Variants in PCBP3 observed in about 807,000 individuals in gnomAD.
The protein encoded by PCBP3 is poly(rC)-binding protein 3.
In PCBP3, 25 loss-of-function variants were observed where a neutral mutation model predicts 52.7. The ratio of observed to expected loss-of-function variants is 0.47; its 90% confidence interval spans 0.35 to 0.66. The LOEUF is 0.66. Ranked by LOEUF, PCBP3 falls within the 30% of genes least tolerant of loss-of-function variation. PCBP3 has a pLI of 0.01. For missense variants in PCBP3, 391 were observed against 490.3 expected (o/e 0.80, Z 1.91); for synonymous variants, 162 against 183.0 (o/e 0.89, Z 0.93).
chr21:45,913,043 G>A (rs1404069029), intron 11 of PCBP3, among the ~76,000 whole-genome samples: 1 of 152,172 alleles, frequency 6.6e-6, no homozygotes, highest in Non-Finnish European at 1.5e-5. Context: ...ACGGCTCATG[G>A]GCTCCAGCCC....
chr21:45,931,682 A>C (rs1159589020), intron 15 of PCBP3, among the ~76,000 whole-genome samples: 1 of 152,092 alleles, frequency 6.6e-6, no homozygotes, highest in East Asian at 1.9e-4. Flanking sequence ...TCCTGAGATG[A>C]ACAAACACGT....
intron 2 of PCBP3, among the ~76,000 whole-genome samples, chr21:45,727,709 G>A (rs1180172494): frequency 6.6e-6 from 1 of 152,204 alleles, no homozygotes; most frequent in Non-Finnish European, 1.5e-5. Flanking sequence ...CCATGTGAGA[G>A]GAGGTGGTTG....
At chr21:45,774,812 T>C (rs1442750914) in intron 4 of PCBP3, among the ~76,000 whole-genome samples, 1 of 152,246 alleles carries the variant, frequency 6.6e-6, no homozygotes, top group African/African-American at 2.4e-5. Flanking sequence ...TGATATATCA[T>C]GTTTATTGAT....
Position 45,662,271 on chromosome 21 carries a change from GTTTTTTTTTTTTTTTTT to G in PCBP3, c.-278-6589_-278-6573del, listed in dbSNP as rs59220095. Among the ~76,000 whole-genome samples the G allele has an allele frequency of 8.9e-4, 87 of 97,278 alleles. 2 individuals carry two copies. The highest frequency in any genetic ancestry group is 3.3e-3 in the African/African-American group (71 of 21,326). 63.8% of individuals were successfully genotyped at this position (97,278 alleles called of 152,430 possible). A position where few individuals can be genotyped will look rare whatever the true frequency, so the allele number is the denominator to read the frequency against. On this transcript the variant is annotated intron_variant, in intron 1 of 17. Coordinates refer to ENST00000681687, the MANE Select transcript of PCBP3 (RefSeq NM_001384156.1). Reference sequence around the variant, plus strand: ...TACAGGTATGTGCCAATATACCTAAGTTTTTTTTTTTTTTTTTTTTTTTTTTTTTTGTAGAGATGGGG... The same window carrying G: ...TACAGGTATGTGCCAATATACCTAAGTTTTTTTTTTTTTGTAGAGATGGGG...
At chr21:45,857,692 C>T (rs2094354236) in intron 5 of PCBP3, among the ~76,000 whole-genome samples, 1 of 152,176 alleles carries the variant, frequency 6.6e-6, no homozygotes, top group Non-Finnish European at 1.5e-5. Flanking sequence ...CTTAGGTTCT[C>T]CTGAGGCTGT....
intron 4 of PCBP3, among the ~76,000 whole-genome samples, chr21:45,783,257 G>A (rs1407111241): frequency 6.6e-6 from 1 of 152,160 alleles, no homozygotes; most frequent in Non-Finnish European, 1.5e-5. Flanking sequence ...GCCATTTGGA[G>A]CTCCTCTTTC....
At chr21:45,695,314 G>A (rs2082704244) in intron 2 of PCBP3, among the ~76,000 whole-genome samples, 2 of 152,134 alleles carry the variant, frequency 1.3e-5, no homozygotes, top group Non-Finnish European at 2.9e-5. Context: ...TAGAGGAAGG[G>A]GCTTCTCTTC....
At chr21:45,758,392 T>C (rs2088282650) in intron 4 of PCBP3, among the ~76,000 whole-genome samples, 1 of 152,180 alleles carries the variant, frequency 6.6e-6, no homozygotes, top group Non-Finnish European at 1.5e-5. Flanking sequence ...TGTAGATACA[T>C]TTGGGGAGTA....
At chr21:45,863,343 G>A (rs1004914014) in intron 5 of PCBP3, among the ~76,000 whole-genome samples, 7 of 152,222 alleles carry the variant, frequency 4.6e-5, no homozygotes, top group East Asian at 1.9e-4. Flanking sequence ...GCAAAAGCTC[G>A]TGTCTTAGGA....
intron 15 of PCBP3, among the ~76,000 whole-genome samples, chr21:45,932,995 A>G (rs1213900083): frequency 1.3e-5 from 2 of 151,662 alleles, no homozygotes; most frequent in Non-Finnish European, 2.9e-5. Flanking sequence ...TCTGAGATGA[A>G]TGAACACATC....
At chr21:45,914,246 C>T in intron 12 of PCBP3, 3 of 672,332 alleles carry the variant, frequency 4.5e-6, no homozygotes, top group Non-Finnish European at 7.2e-6. Context: ...GAATCATGTT[C>T]TCCCTCCCTG....
chr21:45,832,979 A>G (rs556967492), intron 4 of PCBP3, among the ~76,000 whole-genome samples: 2 of 152,240 alleles, frequency 1.3e-5, no homozygotes, highest in South Asian at 2.1e-4. Flanking sequence ...AACTGCCCCC[A>G]TGATCCAATC....
chr21:45,844,820 G>A (rs888646857), intron 4 of PCBP3, among the ~76,000 whole-genome samples: 1 of 138,098 alleles, frequency 7.2e-6, no homozygotes, highest in Non-Finnish European at 1.6e-5. Context: ...TATATATAAA[G>A]TTATATATAA....
chr21:45,725,757 G>C (rs1362942499), intron 2 of PCBP3, among the ~76,000 whole-genome samples: 1 of 152,128 alleles, frequency 6.6e-6, no homozygotes, highest in African/African-American at 2.4e-5. Context: ...CTGGAGGGTG[G>C]GCAAGGGAGG....
chr21:45,940,889 C>G (rs1201403619), intron 17 of PCBP3, among the ~76,000 whole-genome samples: 1 of 148,086 alleles, frequency 6.8e-6, no homozygotes, highest in Non-Finnish European at 1.5e-5. Context: ...GGATGTCCTA[C>G]TGCAAGAGCC....
intron 5 of PCBP3, among the ~76,000 whole-genome samples, chr21:45,858,131 G>C (rs1252839225): frequency 6.6e-6 from 1 of 152,244 alleles, no homozygotes; most frequent in Non-Finnish European, 1.5e-5. Flanking sequence ...GATTGTGGCA[G>C]ATCTTAATCC....
At chr21:45,850,119 ATGTT>A (rs1569310517) in intron 5 of PCBP3, 24 bp downstream of exon 5, 7 of 1,546,238 alleles carry the variant, frequency 4.5e-6, no homozygotes, top group Non-Finnish European at 6.1e-6. Context: ...TTTTGTTTCC[ATGTT>A]TGTTTGTTTA....
At chr21:45,730,805 A>G (rs1190242717) in intron 2 of PCBP3, among the ~76,000 whole-genome samples, 1 of 152,078 alleles carries the variant, frequency 6.6e-6, no homozygotes, top group African/African-American at 2.4e-5. Flanking sequence ...AATATTATGT[A>G]CCCTGAAATC....
At chr21:45,866,072 C>T (rs557730805) in intron 5 of PCBP3, among the ~76,000 whole-genome samples, 238 of 152,322 alleles carry the variant, frequency 1.6e-3, no homozygotes, top group Non-Finnish European at 2.1e-3. Context: ...GCATGGGCTG[C>T]GGTGTTTCAA....
Sources: allele counts gnomAD v4.1 joint callset (sites outside exome capture counted in the v4.1 genomes callset), GRCh38; gene constraint gnomAD v4.1.1; transcripts MANE v1.5; gene names NCBI Gene and HGNC (gene_info 2026-07-23, HGNC 2026-07-21).